BEAN1: variants seen among roughly 807,000 people sequenced by gnomAD.
The protein encoded by BEAN1 is brain expressed associated with NEDD4 1.
Under a neutral mutation model 17.7 loss-of-function variants are expected in BEAN1, and 17 were observed. The ratio of observed to expected loss-of-function variants is 0.96; its 90% CI spans 0.66 to 1.44. The LOEUF (loss-of-function observed/expected upper bound fraction) is 1.44, where lower values mean the gene tolerates loss of function less well. Among genes scored for constraint, BEAN1 ranks in the 40% most tolerant of loss-of-function variants. The pLI is 0.00. For missense variants in BEAN1, 359 were observed against 374.1 expected (o/e 0.96, Z 0.33); for synonymous variants, 142 against 151.8 (o/e 0.94, Z 0.47).
intron 2 of BEAN1, among the ~76,000 whole-genome samples, chr16:66,458,736 T>G (rs1962969299): frequency 6.6e-6 from 1 of 152,224 alleles, no homozygotes; most frequent in Admixed American, 6.5e-5. Context: ...TGTCCTCATC[T>G]GTAAATGAGA....
rs546450130 is a variant in BEAN1 at position 66,442,928 on chromosome 16, C to T, written c.25+5227C>T. Among the ~76,000 whole-genome samples, 38 of 152,270 alleles carry T rather than the reference C, an allele frequency of 2.5e-4. 1 individual carries two copies. In the South Asian group the frequency reaches 7.3e-3, roughly 29 times the overall value. On this transcript the variant is annotated intron_variant, in intron 2 of 4. Coordinates refer to ENST00000536005, the MANE Select transcript of BEAN1 (RefSeq NM_001178020.3). ...GTTCAGACCAGATGTTGGTGTTTTT[C>T]GCTCTGCTCATTGTGACAGTTATCT... is the stretch of plus-strand genomic sequence containing the variant.
intron 2 of BEAN1, among the ~76,000 whole-genome samples, chr16:66,465,218 A>G (rs950472854): frequency 4.6e-5 from 7 of 152,214 alleles, no homozygotes; most frequent in African/African-American, 1.7e-4. Context: ...TGTTAAACCA[A>G]TCTTTCATTC....
chr16:66,473,641 G>A lies in BEAN1; in HGVS notation c.289+3776G>A, dbSNP rs997466271. ...GAGCTCAGGGGTTTCAGGCTGCAGT[G>A]AGCTACGATCACACCATTGCACTCC... On this transcript the variant is annotated intron_variant, in intron 3 of 4. Coordinates refer to ENST00000536005, the MANE Select transcript of BEAN1 (RefSeq NM_001178020.3). This position sits in a 1 kb window ranked among gnomAD's most constrained non-coding sequence, Gnocchi z 4.5. 6.6e-6 allele frequency among the ~76,000 whole-genome samples: 1 copy of A among 151,928 alleles called. No individual in the cohort carries two copies. Among genetic ancestry groups the A allele is most frequent in the South Asian group, 2.1e-4 (1 of 4,816 alleles).
chr16:66,483,059 A>G (rs1378638895), downstream of BEAN1: 4 of 366,002 alleles, frequency 1.1e-5, no homozygotes, highest in Admixed American at 1.1e-4. Flanking sequence ...ACAGGGTCTC[A>G]CTATGTTGCC....
intron 1 of BEAN1, among the ~76,000 whole-genome samples, chr16:66,430,763 A>G (rs923338753): frequency 7.2e-5 from 11 of 152,180 alleles, no homozygotes; most frequent in African/African-American, 2.4e-4. Flanking sequence ...TCATTTGTCT[A>G]TTGTATGCCC....
At chr16:66,469,272 C>G (rs923477993) in intron 2 of BEAN1, among the ~76,000 whole-genome samples, 1 of 152,264 alleles carries the variant, frequency 6.6e-6, no homozygotes, top group African/African-American at 2.4e-5. Flanking sequence ...AGCCTCAGCT[C>G]TACCACTAAT....
At chr16:66,492,979 T>C (rs1231045504) in exon 5 of BEAN1, 1 of 702,978 alleles carries the variant, frequency 1.4e-6, no homozygotes, top group East Asian at 2.7e-5. Flanking sequence ...CTGGGAGCTT[T>C]ACCTACTGGG....
At chr16:66,441,482 C>T (rs191849507) in intron 2 of BEAN1, among the ~76,000 whole-genome samples, 14 of 152,276 alleles carry the variant, frequency 9.2e-5, no homozygotes, top group Non-Finnish European at 1.9e-4. Context: ...CCAAAATAAG[C>T]TTGCCAGGTA....
At position 66,434,859 on chromosome 16, in the gene BEAN1, C is replaced by A. The variant is rs1961954341; in HGVS notation, c.-82-2736C>A. Among the ~76,000 whole-genome samples, 3 of 152,126 alleles carry A rather than the reference C, an allele frequency of 2.0e-5. 1 individual carries two copies. The South Asian group carries it at 6.2e-4, about 32-fold the overall frequency. The stretch of plus-strand genomic sequence containing the variant: ...GTTGGCTTGCTCTAGTGTTTCCATG[C>A]ACTTTTGAACTTCCCCTCCGTTCCC... On this transcript the variant is annotated intron_variant, in intron 1 of 4. Transcript: ENST00000536005. This position sits in a 1 kb window ranked among gnomAD's most constrained non-coding sequence, Gnocchi z 4.3.
rs763201250 is a variant in BEAN1, at chr16:66,477,516, TGGA to T, written c.290-43_290-41del. Reference sequence around the variant, plus strand: ...CCTACAGACCCATAAGGACCATCCCTGGATCCTGGTCTGAGGCCCAGGCCGGTG... The same window carrying T: ...CCTACAGACCCATAAGGACCATCCCTTCCTGGTCTGAGGCCCAGGCCGGTG... On this transcript the variant is annotated intron_variant, in intron 3 of 4. Coordinates refer to ENST00000536005, the MANE Select transcript of BEAN1 (RefSeq NM_001178020.3). 273 of 1,484,926 alleles carry T rather than the reference TGGA, an allele frequency of 1.8e-4. 4 individuals are homozygous for T. The South Asian group carries it at 2.3e-3, about 13-fold the overall frequency. The allele number at this position is 1,484,926 out of a possible 1,614,324, so 92.0% of individuals were successfully genotyped here.
chr16:66,461,030 T>TG (rs1200765694), intron 2 of BEAN1, among the ~76,000 whole-genome samples: 2 of 151,930 alleles, frequency 1.3e-5, no homozygotes, highest in Admixed American at 6.6e-5. Flanking sequence ...ATGCTGGCAT[T>TG]GGGGGGGAGG....
At chr16:66,437,827 G>A (rs1379993610) in intron 2 of BEAN1, 126 bp downstream of exon 2, 4 of 1,255,520 alleles carry the variant, frequency 3.2e-6, no homozygotes, top group Non-Finnish European at 4.5e-6. Flanking sequence ...AGAGGCTAAT[G>A]TGGCATGCTG....
rs1483967376 is a variant in BEAN1, at chr16:66,473,812, G to C, written c.290-3748G>C. Among the ~76,000 whole-genome samples the C allele has an allele frequency of 6.6e-6, 1 of 152,014 alleles. No homozygotes were observed. Among genetic ancestry groups the C allele is most frequent in the Admixed American group, 6.6e-5 (1 of 15,266 alleles). On this transcript the variant is annotated intron_variant, in intron 3 of 4. Coordinates refer to ENST00000536005, the MANE Select transcript of BEAN1 (RefSeq NM_001178020.3). The surrounding 1 kb of genome is among the most constrained non-coding windows in gnomAD (Gnocchi z 4.5). ...CTTCCACCTGTCAGACACACTCACA[G>C]CCCCCCAGCTCTGGTGACTCAAGCC...
At chr16:66,447,638 G>A (rs1359868422) in intron 2 of BEAN1, among the ~76,000 whole-genome samples, 1 of 152,190 alleles carries the variant, frequency 6.6e-6, no homozygotes, top group Non-Finnish European at 1.5e-5. Flanking sequence ...CATTTGCCAA[G>A]TTCCAGCAGG....
intron 1 of BEAN1, among the ~76,000 whole-genome samples, chr16:66,435,897 T>A (rs116852423): frequency 0.017 from 2,641 of 152,274 alleles, 35 homozygotes; most frequent in Non-Finnish European, 0.028. Flanking sequence ...TTCTTGGCAG[T>A]GTTTTGCCTC....
At chr16:66,468,202 G>A (rs906232465) in intron 2 of BEAN1, among the ~76,000 whole-genome samples, 1 of 152,202 alleles carries the variant, frequency 6.6e-6, no homozygotes, top group Non-Finnish European at 1.5e-5. Context: ...CAAGACTGGA[G>A]CTACTCACTC....
intron 2 of BEAN1, among the ~76,000 whole-genome samples, chr16:66,445,408 G>A (rs1197403503): frequency 1.4e-5 from 2 of 141,410 alleles, no homozygotes; most frequent in Non-Finnish European, 3.0e-5. Context: ...CCTGGGAGGT[G>A]GAGCTTGCAA....
downstream of BEAN1, chr16:66,483,441 G>A (rs1000174711): frequency 1.3e-5 from 2 of 153,146 alleles, no homozygotes; most frequent in African/African-American, 2.4e-5. Context: ...TCTAACAGGA[G>A]TTGGCTTGTA....
At chr16:66,446,127 G>T (rs1962445728) in intron 2 of BEAN1, among the ~76,000 whole-genome samples, 1 of 152,072 alleles carries the variant, frequency 6.6e-6, no homozygotes, top group Non-Finnish European at 1.5e-5. Context: ...AGGCTGCAGT[G>T]AGCCAAGATC....
Sources: gnomAD v4.1 joint callset for allele counts (sites outside exome capture counted in the v4.1 genomes callset) on GRCh38, gnomAD v4.1.1 for gene constraint, Gnocchi (gnomAD v3.1) non-coding constraint, MANE v1.5 for transcripts, NCBI Gene and HGNC (gene_info 2026-07-23, HGNC 2026-07-21) for gene names.